The following EVC variants were observed in gnomAD, a reference collection of about 807,000 sequenced individuals.
EVC encodes the protein evC complex member EVC.
In EVC, 116 loss-of-function variants were observed where a neutral mutation model predicts 118.9. The ratio of observed to expected loss-of-function variants is 0.98; its 90% CI spans 0.84 to 1.14. The LOEUF is 1.14. Ranked by LOEUF, EVC falls within the 50% of genes most tolerant of loss-of-function variation. EVC has a pLI of 0.00. For synonymous variants in EVC, 619 were observed against 534.7 expected (o/e 1.16, Z -2.18); for missense variants, 1,401 against 1,246.4 (o/e 1.12, Z -1.87).
chr4:5,751,226 C>T (rs1362761431), intron 8 of EVC, among the ~76,000 whole-genome samples: 1 of 152,222 alleles, frequency 6.6e-6, no homozygotes, highest in African/African-American at 2.4e-5. Context: ...AGCTTGTGCT[C>T]AGGTCCTGGG....
chr4:5,772,811 C>T (rs1262652948), intron 11 of EVC, among the ~76,000 whole-genome samples: 1 of 152,156 alleles, frequency 6.6e-6, no homozygotes, highest in African/African-American at 2.4e-5. Context: ...CCCAAGGGTG[C>T]ACTTGTCCCT....
intron 17 of EVC, 44 bp from the exon 18 acceptor site, chr4:5,808,157 C>CTCT (rs375275583): frequency 9.3e-7 from 1 of 1,076,186 alleles, no homozygotes; most frequent in African/African-American, 1.8e-5. Flanking sequence ...CTCCCTCCCT[C>CTCT]CCTTCCTTCC....
chr4:5,761,022 A>G (rs1731925314), intron 11 of EVC, among the ~76,000 whole-genome samples: 1 of 152,108 alleles, frequency 6.6e-6, no homozygotes, highest in African/African-American at 2.4e-5. Flanking sequence ...TTTTCCTGAT[A>G]CTCCATAGGA....
At chr4:5,770,249 C>T (rs1442468348) in intron 11 of EVC, among the ~76,000 whole-genome samples, 1 of 152,122 alleles carries the variant, frequency 6.6e-6, no homozygotes, top group Admixed American at 6.5e-5. Context: ...GACCCTCCGC[C>T]CCCACAGCTG....
Position 5,718,110 on chromosome 4 carries a change from G to A in EVC, c.175-1138G>A, listed in dbSNP as rs1724289377. Among the ~76,000 whole-genome samples, 5 of 152,128 alleles carry A rather than the reference G, an allele frequency of 3.3e-5. No individual in the cohort carries two copies. In the South Asian group the frequency reaches 1.0e-3, roughly 32 times the overall value. On this transcript the variant is annotated intron_variant, in intron 1 of 20. Coordinates refer to ENST00000264956, the MANE Select transcript of EVC (RefSeq NM_153717.3). ...AAGTTGAGAAGTGTCTGGGATAACAGAGTTTTAAATATAGTCTACTCTCCT... is the reference window on the plus strand; with the variant it reads ...AAGTTGAGAAGTGTCTGGGATAACAAAGTTTTAAATATAGTCTACTCTCCT...
intron 2 of EVC, among the ~76,000 whole-genome samples, chr4:5,724,378 T>C (rs776421669): frequency 1.3e-5 from 2 of 152,232 alleles, no homozygotes; most frequent in Non-Finnish European, 2.9e-5. Context: ...GTATCTGATA[T>C]AGGTTTCTGA....
chr4:5,797,317 C>T (rs1277120241), intron 14 of EVC, 85 bp downstream of exon 14: 11 of 1,163,134 alleles, frequency 9.5e-6, no homozygotes, highest in Non-Finnish European at 1.4e-5. Flanking sequence ...TTGCCAGAAC[C>T]CGAATCCTAT....
At chr4:5,825,774 A>T in the EVC span, 2 of 975,730 alleles carry the variant, frequency 2.0e-6, no homozygotes, top group East Asian at 2.6e-5. The surrounding 1 kb of genome is among the most constrained non-coding windows in gnomAD (Gnocchi z 4.4). Context: ...TCAAATGTGC[A>T]TGCACACACA....
the EVC span, chr4:5,828,343 C>T: frequency 1.5e-5 from 21 of 1,426,206 alleles, no homozygotes; most frequent in Middle Eastern, 2.6e-4. Context: ...CCCAGGCCAG[C>T]GTCTCAACCC....
intron 11 of EVC, among the ~76,000 whole-genome samples, chr4:5,780,672 A>T (rs1335549706): frequency 1.3e-5 from 2 of 152,210 alleles, no homozygotes; most frequent in Non-Finnish European, 2.9e-5. Context: ...AAGGACAATC[A>T]TACAACCAGT....
intron 12 of EVC, among the ~76,000 whole-genome samples, chr4:5,790,941 A>G (rs966562831): frequency 1.4e-4 from 22 of 152,042 alleles, no homozygotes; most frequent in African/African-American, 5.3e-4. Context: ...TAAAAATACA[A>G]AACATTAACT....
At chr4:5,793,565 T>G in intron 12 of EVC, 43 bp from the exon 13 acceptor site, 1 of 1,483,734 alleles carries the variant, frequency 6.7e-7, no homozygotes, top group African/African-American at 1.4e-5. Flanking sequence ...ATTGTTGAAG[T>G]GAGTAACCAC....
intron 5 of EVC, among the ~76,000 whole-genome samples, chr4:5,740,582 A>T (rs568470883): frequency 2.6e-4 from 39 of 152,302 alleles, no homozygotes; most frequent in Non-Finnish European, 4.4e-4. Flanking sequence ...CAGAAGGAAA[A>T]ATTAACTGGA....
rs375960614 is a variant in EVC, at chr4:5,808,198, C to A, written c.2562-3C>A. The A allele has an allele frequency of 3.7e-6, 6 of 1,601,578 alleles. No individual in the cohort carries two copies. The highest frequency in any genetic ancestry group is 1.1e-5 in the South Asian group (1 of 90,654). On this transcript the variant is annotated splice_polypyrimidine_tract_variant and splice_region_variant and intron_variant, in intron 17 of 20. Transcript: ENST00000264956. ...GCCAGCCTGCCTGCCTTCCTCCCCC[C>A]AGGATGCTGTCCCAGCAGAAGAGGT...
At chr4:5,814,323 C>T (rs1717349420), downstream of EVC, 1 of 152,260 alleles carries the variant, frequency 6.6e-6, no homozygotes, top group African/African-American at 2.4e-5. Context: ...CTGACCTGTA[C>T]TTGAGACCGC....
At chr4:5,757,360 C>T (rs1731324380) in intron 11 of EVC, among the ~76,000 whole-genome samples, 1 of 152,168 alleles carries the variant, frequency 6.6e-6, no homozygotes. Context: ...GCGGGCATCC[C>T]CATCAGGGAG....
At chr4:5,828,467 G>A in the EVC span, 410 of 1,606,920 alleles carry the variant, frequency 2.6e-4, no homozygotes, top group African/African-American at 4.5e-3. Flanking sequence ...GGGTGGGCCC[G>A]CTCCCCTGCA....
At chr4:5,775,301 T>G (rs1734556834) in intron 11 of EVC, among the ~76,000 whole-genome samples, 1 of 152,104 alleles carries the variant, frequency 6.6e-6, no homozygotes, top group African/African-American at 2.4e-5. Context: ...TAACAAATGA[T>G]TATTGTAAAA....
Position 5,802,063 on chromosome 4 carries a change from G to T in EVC, c.2418G>T (p.Glu806Asp), listed in dbSNP as rs1299666972. Residue 806 changes from glutamate to aspartate, a missense_variant, in exon 16 of 21, where the codon GAG (glutamate) becomes GAT (aspartate). Glu to Asp is a conservative substitution (Grantham distance 45). Transcript: ENST00000264956. ...QIGRIMEDHEERKLQHLKTLQ... is the reference protein window; with the variant it reads ...QIGRIMEDHEDRKLQHLKTLQ... ...GAAGGATCATGGAGGACCACGAGGA[G>T]AGAAAACTGCAGCACCTGAAGACCC... The T allele has an allele frequency of 2.5e-6, 4 of 1,613,982 alleles. No individual in the cohort carries two copies. The highest frequency in any genetic ancestry group is 3.4e-6 in the Non-Finnish European group (4 of 1,180,024).
Sources: allele counts gnomAD v4.1 joint callset (sites outside exome capture counted in the v4.1 genomes callset), GRCh38; gene constraint gnomAD v4.1.1; non-coding constraint Gnocchi (gnomAD v3.1); transcripts MANE v1.5; gene names NCBI Gene and HGNC (gene_info 2026-07-23, HGNC 2026-07-21).